RBFOX1: variants seen among roughly 807,000 people sequenced by gnomAD.
RBFOX1 encodes RNA binding protein fox-1 homolog 1.
A neutral mutation model predicts 57.7 loss-of-function variants in RBFOX1; 8 were observed. The ratio of observed to expected loss-of-function variants is 0.14; its 90% CI spans 0.08 to 0.25. The LOEUF is 0.25. Among genes scored for constraint, RBFOX1 ranks in the 10% least tolerant of loss-of-function variants. RBFOX1 has a pLI of 1.00. For synonymous variants in RBFOX1, 326 were observed against 222.4 expected, an observed-to-expected ratio of 1.47 and a Z score of -4.15; for missense variants, 611 against 548.5, an observed-to-expected ratio of 1.11 and a Z score of -1.14.
chr16:5,648,726 G>T (rs1227558294), intron 3 of RBFOX1, among the ~76,000 whole-genome samples: 2 of 152,152 alleles, frequency 1.3e-5, no homozygotes, highest in African/African-American at 2.4e-5. Context: ...TATGGAGTTA[G>T]TTTTCCTTGT....
chr16:7,507,984 GT>G (rs1036563394), intron 4 of RBFOX1, among the ~76,000 whole-genome samples: 9 of 150,192 alleles, frequency 6.0e-5, no homozygotes, highest in East Asian at 4.0e-4. Flanking sequence ...GTCTATTTAA[GT>G]TTTTTTTTCT....
At chr16:7,514,622 G>C (rs943821865) in intron 4 of RBFOX1, among the ~76,000 whole-genome samples, 1 of 151,984 alleles carries the variant, frequency 6.6e-6, no homozygotes, top group Non-Finnish European at 1.5e-5. Context: ...CTCTTGATGC[G>C]GACTGAAGGA....
chr16:7,413,165 A>T lies in RBFOX1; in HGVS notation c.28-104982A>T, dbSNP rs534737601. 3.3e-5 allele frequency among the ~76,000 whole-genome samples: 5 copies of T among 152,340 alleles called. No homozygotes were observed. In the South Asian group the frequency reaches 1.0e-3, roughly 32 times the overall value. Reference sequence around the variant, plus strand: ...ATGTAGGTCACAAGCCTCCCTGATGACAATTCCTTTCATAACACCAGCTTT... The same window carrying T: ...ATGTAGGTCACAAGCCTCCCTGATGTCAATTCCTTTCATAACACCAGCTTT... On this transcript the variant is annotated intron_variant, in intron 4 of 15. Coordinates refer to ENST00000550418, the MANE Select transcript of RBFOX1 (RefSeq NM_018723.4).
intron 2 of RBFOX1, among the ~76,000 whole-genome samples, chr16:6,519,838 C>G (rs1277564248): frequency 2.6e-5 from 4 of 152,156 alleles, no homozygotes; most frequent in African/African-American, 7.2e-5. Context: ...TTTCATAGGA[C>G]TGAGGGTTAG....
chr16:5,499,612 G>A (rs374446379), intron 2 of RBFOX1, among the ~76,000 whole-genome samples: 9 of 149,282 alleles, frequency 6.0e-5, no homozygotes, highest in Non-Finnish European at 1.2e-4. Flanking sequence ...TCGCTGTATC[G>A]TCCAGGCTGG....
intron 5 of RBFOX1, among the ~76,000 whole-genome samples, chr16:7,557,560 C>T (rs2088965913): frequency 1.7e-5 from 2 of 120,728 alleles, no homozygotes. Flanking sequence ...GCAGAGGTTT[C>T]AGTGAGCCAA....
At chr16:7,601,205 A>C (rs974564751) in intron 9 of RBFOX1, among the ~76,000 whole-genome samples, 3 of 152,176 alleles carry the variant, frequency 2.0e-5, no homozygotes, top group African/African-American at 7.2e-5. Flanking sequence ...CAGTTCTTCC[A>C]TTCACTGGCT....
chr16:7,159,032 C>T (rs1421967715), intron 4 of RBFOX1, among the ~76,000 whole-genome samples: 2 of 151,860 alleles, frequency 1.3e-5, no homozygotes, highest in Non-Finnish European at 1.5e-5. Flanking sequence ...CTACCCCCGT[C>T]CCTACCTGCT....
At chr16:6,104,965 C>T (rs2096361020) in intron 1 of RBFOX1, among the ~76,000 whole-genome samples, 2 of 152,214 alleles carry the variant, frequency 1.3e-5, no homozygotes, top group African/African-American at 4.8e-5. Context: ...CTGAACTACT[C>T]ACATGCCTTG....
chr16:7,383,534 A>C (rs1272031226), intron 4 of RBFOX1, among the ~76,000 whole-genome samples: 1 of 152,164 alleles, frequency 6.6e-6, no homozygotes, highest in African/African-American at 2.4e-5. Flanking sequence ...GTTCCCAGTG[A>C]ACATCAGGAA....
At chr16:7,582,315 A>C (rs554706213) in intron 6 of RBFOX1, among the ~76,000 whole-genome samples, 1 of 152,316 alleles carries the variant, frequency 6.6e-6, no homozygotes, top group East Asian at 1.9e-4. Flanking sequence ...TTCATCACAA[A>C]TAGCATCTGT....
intron 2 of RBFOX1, among the ~76,000 whole-genome samples, chr16:6,511,930 A>G (rs1187835272): frequency 2.6e-5 from 4 of 152,064 alleles, no homozygotes; most frequent in Non-Finnish European, 5.9e-5. Flanking sequence ...AGATTATGTC[A>G]GTATTTCATA....
intron 4 of RBFOX1, among the ~76,000 whole-genome samples, chr16:5,887,501 A>G (rs969855087): frequency 1.1e-4 from 16 of 152,218 alleles, no homozygotes; most frequent in Admixed American, 6.5e-4. Context: ...TGCAGGGTTC[A>G]AGCAATTCTC....
intron 4 of RBFOX1, among the ~76,000 whole-genome samples, chr16:7,366,119 A>T (rs898493786): frequency 6.6e-6 from 1 of 150,612 alleles, no homozygotes; most frequent in Non-Finnish European, 1.5e-5. Flanking sequence ...GTCATGTGGC[A>T]CAGACATGGC....
chr16:7,339,974 G>C (rs371188104), intron 4 of RBFOX1, among the ~76,000 whole-genome samples: 3 of 152,124 alleles, frequency 2.0e-5, no homozygotes, highest in African/African-American at 7.2e-5. Context: ...GCAACTCCAA[G>C]CTTACATCTC....
At chr16:7,245,102 G>A (rs11077162) in intron 4 of RBFOX1, among the ~76,000 whole-genome samples, 11 of 151,986 alleles carry the variant, frequency 7.2e-5, no homozygotes, top group Non-Finnish European at 1.2e-4. Context: ...GGTGCTGTAT[G>A]TCCATTTAAT....
intron 4 of RBFOX1, among the ~76,000 whole-genome samples, chr16:7,224,776 T>C (rs2092986273): frequency 6.6e-6 from 1 of 152,238 alleles, no homozygotes; most frequent in Admixed American, 6.5e-5. Flanking sequence ...GTCCTCGTTA[T>C]TCAAAGTGTG....
At chr16:6,945,801 G>T (rs920148784) in intron 3 of RBFOX1, among the ~76,000 whole-genome samples, 1 of 152,206 alleles carries the variant, frequency 6.6e-6, no homozygotes, top group African/African-American at 2.4e-5. Flanking sequence ...CGAGACGGGA[G>T]AATCGCCTGA....
At chr16:6,355,979 G>T (rs1457661139) in intron 2 of RBFOX1, among the ~76,000 whole-genome samples, 1 of 152,192 alleles carries the variant, frequency 6.6e-6, no homozygotes, top group Non-Finnish European at 1.5e-5. Context: ...AATGGGCAAA[G>T]CTGAAGCAAT....
Sources: allele counts gnomAD v4.1 joint callset (sites outside exome capture counted in the v4.1 genomes callset), GRCh38; gene constraint gnomAD v4.1.1; transcripts MANE v1.5; gene names NCBI Gene and HGNC (gene_info 2026-07-23, HGNC 2026-07-21).